Variants in CNKSR2 observed in about 807,000 individuals in gnomAD.
The protein encoded by CNKSR2 is CNK homolog protein 2.
In CNKSR2, 14 loss-of-function variants were observed where a neutral mutation model predicts 84.4. The ratio of observed to expected loss-of-function variants is 0.17; its 90% confidence interval spans 0.11 to 0.26. CNKSR2 has a LOEUF of 0.26. Ranked by LOEUF, CNKSR2 falls within the 10% of genes least tolerant of loss-of-function variation. The pLI is 1.00. For missense variants in CNKSR2, 485 were observed against 771.2 expected, an observed-to-expected ratio of 0.63 and a Z score of 4.40; for synonymous variants, 275 against 277.9, an observed-to-expected ratio of 0.99 and a Z score of 0.10.
chrX:21,529,991 G>A (rs2091870901), intron 10 of CNKSR2, among the ~76,000 whole-genome samples: 1 of 110,534 alleles, frequency 9.0e-6, no homozygotes, highest in Non-Finnish European at 1.9e-5. Flanking sequence ...CTCATAGCTT[G>A]AGGTCTGGTA....
At chrX:21,491,831 G>T (rs2091445779) in intron 6 of CNKSR2, 1 of 111,597 alleles carries the variant, frequency 9.0e-6, no homozygotes, top group South Asian at 3.7e-4. Flanking sequence ...TCAATCTATA[G>T]CAATAAGGAT....
chrX:21,604,692 T>C (rs2092505878), intron 18 of CNKSR2, among the ~76,000 whole-genome samples: 1 of 111,123 alleles, frequency 9.0e-6, no homozygotes, highest in South Asian at 3.9e-4. Context: ...AAGGAGATAC[T>C]CTGCACAGGT....
In CNKSR2 at chrX:21,561,484, T is replaced by A; in HGVS notation, c.1317T>A (p.Pro439=). The A allele has an allele frequency of 8.3e-7, 1 of 1,205,344 alleles. No individual in the cohort carries two copies. The highest frequency in any genetic ancestry group is 1.1e-6 in the Non-Finnish European group (1 of 890,414). ...CTCTGTGTTTAGGCAAGCTACGACC[T>A]ATATCTATGCCAGTGGAATATAATT... is the stretch of plus-strand genomic sequence containing the variant. The part of the protein sequence containing the change: ...ESTPTYGKLR[P]ISMPVEYNWV... Residue 439 remains proline, a synonymous_variant, in exon 12 of 22, where the codon CCT becomes CCA. Transcript: ENST00000379510.
intron 8 of CNKSR2, among the ~76,000 whole-genome samples, chrX:21,509,918 A>C (rs1391997565): frequency 8.9e-6 from 1 of 111,798 alleles, no homozygotes; most frequent in Non-Finnish European, 1.9e-5. Flanking sequence ...AAAATGTTTA[A>C]TTTATTAGAT....
At chrX:21,418,813 C>T (rs1381951252) in intron 1 of CNKSR2, among the ~76,000 whole-genome samples, 2 of 111,374 alleles carry the variant, frequency 1.8e-5, no homozygotes, top group Non-Finnish European at 3.8e-5. Flanking sequence ...TTGTGTTTTT[C>T]AGCTCCAGTA....
intron 9 of CNKSR2, among the ~76,000 whole-genome samples, chrX:21,525,299 C>T (rs766385502): frequency 1.8e-5 from 2 of 111,133 alleles, no homozygotes; most frequent in African/African-American, 6.5e-5. Flanking sequence ...TTCTAAAAGA[C>T]AGGAATAGTT....
intron 11 of CNKSR2, among the ~76,000 whole-genome samples, chrX:21,533,646 T>C (rs1451660526): frequency 9.0e-6 from 1 of 111,434 alleles, no homozygotes; most frequent in African/African-American, 3.2e-5. Context: ...CCGACTAGAA[T>C]AGAATACTTT....
chrX:21,454,484 A>G (rs2090973405), intron 4 of CNKSR2, among the ~76,000 whole-genome samples: 1 of 112,432 alleles, frequency 8.9e-6, no homozygotes, highest in Admixed American at 9.4e-5. Flanking sequence ...GGAATTATGT[A>G]TTGTTCAACA....
intron 11 of CNKSR2, among the ~76,000 whole-genome samples, chrX:21,541,766 T>C (rs1416030325): frequency 9.0e-6 from 1 of 111,706 alleles, no homozygotes; most frequent in Non-Finnish European, 1.9e-5. Flanking sequence ...ACTAATAAAA[T>C]ATTTGTTTTA....
intron 8 of CNKSR2, among the ~76,000 whole-genome samples, chrX:21,515,143 T>A (rs1444408815): frequency 9.0e-6 from 1 of 111,438 alleles, no homozygotes; most frequent in Non-Finnish European, 1.9e-5. Context: ...AACATCTCAC[T>A]TCTTGTTTGT....
rs764769084 is a variant in CNKSR2, at chrX:21,563,820, A to G, written c.1608+368A>G. Among the ~76,000 whole-genome samples the G allele has an allele frequency of 3.0e-3, 337 of 111,652 alleles. 1 individual carries two copies. The highest frequency in any genetic ancestry group is 0.01 in the African/African-American group (312 of 30,815). ...GTCATGATTCCATTTAAAAATGACCATCTATTATTTTCTAGACATGGAGAG... is the reference window on the plus strand; with the variant it reads ...GTCATGATTCCATTTAAAAATGACCGTCTATTATTTTCTAGACATGGAGAG... On this transcript the variant is annotated intron_variant, in intron 13 of 21. Transcript: ENST00000379510.
intron 4 of CNKSR2, among the ~76,000 whole-genome samples, chrX:21,466,827 C>T (rs1170481409): frequency 1.2e-4 from 13 of 111,342 alleles, no homozygotes; most frequent in South Asian, 1.1e-3. Flanking sequence ...TCAAGCGATC[C>T]GCCCACCTAG....
chrX:21,409,276 ATAT>A (rs2090310784), intron 1 of CNKSR2, among the ~76,000 whole-genome samples: 3 of 52,033 alleles, frequency 5.8e-5, no homozygotes, highest in African/African-American at 2.2e-4. Context: ...ATATATATAT[ATAT>A]GTCTGTCAGA....
chrX:21,576,633 G>C (rs2092320766), intron 13 of CNKSR2, among the ~76,000 whole-genome samples: 1 of 110,730 alleles, frequency 9.0e-6, no homozygotes, highest in African/African-American at 3.3e-5. Flanking sequence ...AAGGAGAGAA[G>C]ACTCAAATGA....
intron 17 of CNKSR2, among the ~76,000 whole-genome samples, chrX:21,596,982 A>G (rs1261523231): frequency 1.8e-5 from 2 of 111,397 alleles, no homozygotes; most frequent in Non-Finnish European, 3.8e-5. Flanking sequence ...CCATTTTACC[A>G]TATGTTAAGC....
intron 13 of CNKSR2, among the ~76,000 whole-genome samples, chrX:21,584,413 A>G (rs1324838234): frequency 3.5e-5 from 4 of 112,687 alleles, no homozygotes; most frequent in Non-Finnish European, 1.9e-5. Context: ...AAAGCAATAC[A>G]TAAAACAGGC....
intron 4 of CNKSR2, among the ~76,000 whole-genome samples, chrX:21,468,894 A>G (rs2091162515): frequency 8.9e-6 from 1 of 112,025 alleles, no homozygotes; most frequent in South Asian, 3.7e-4. Context: ...TATTCATCTT[A>G]TAAAGCACAC....
At chrX:21,637,659 T>C (rs745812208) in intron 20 of CNKSR2, among the ~76,000 whole-genome samples, 8 of 111,607 alleles carry the variant, frequency 7.2e-5, no homozygotes, top group Non-Finnish European at 1.5e-4. Flanking sequence ...GTCTCTGTTT[T>C]GGTCTGAACA....
intron 5 of CNKSR2, 37 bp from the exon 6 acceptor site, chrX:21,490,422 G>T: frequency 5.1e-6 from 6 of 1,169,942 alleles, no homozygotes; most frequent in Non-Finnish European, 6.9e-6. Flanking sequence ...CTTACAACAC[G>T]TATTTACCAC....
Sources: gnomAD v4.1 joint callset for allele counts (sites outside exome capture counted in the v4.1 genomes callset) on GRCh38, gnomAD v4.1.1 for gene constraint, MANE v1.5 for transcripts, NCBI Gene and HGNC (gene_info 2026-07-23, HGNC 2026-07-21) for gene names.